STX6: variants seen among roughly 807,000 people sequenced by gnomAD.
STX6 encodes the protein syntaxin 6, also known as syntaxin-6.
STX6 carries 23 observed loss-of-function variants against 38.0 expected under a neutral mutation model. The observed-to-expected ratio is 0.60, with a 90% CI of 0.43 to 0.86. STX6 has a LOEUF of 0.86. STX6 is among the 40% of genes least tolerant of loss of function. The pLI, the probability that STX6 is intolerant of heterozygous loss-of-function variation, is 0.00. For synonymous variants in STX6, 123 were observed against 107.5 expected (o/e 1.14, Z -0.89); for missense variants, 274 against 312.9 (o/e 0.88, Z 0.94).
chr1:180,988,167 CT>C lies in STX6; in HGVS notation c.596+71del, dbSNP rs1305416158. On this transcript the variant is annotated intron_variant, in intron 6 of 7. Coordinates refer to ENST00000258301, the MANE Select transcript of STX6 (RefSeq NM_005819.6). ...TTTTACCAGCCACGTAGCTGCCAGG[CT>C]TTTTAGGGGTGTCATAGGATGGCTC... The C allele has an allele frequency of 4.6e-6, 5 of 1,076,196 alleles. No individual in the cohort carries two copies. In the Admixed American group the frequency reaches 9.8e-5, roughly 21 times the overall value. The allele number at this position is 1,076,196 out of a possible 1,614,324, so 66.7% of individuals were successfully genotyped here.
At chr1:181,013,891 A>C (rs979709968) in intron 1 of STX6, among the ~76,000 whole-genome samples, 1 of 152,212 alleles carries the variant, frequency 6.6e-6, no homozygotes, top group Non-Finnish European at 1.5e-5. Context: ...GACTTGTTAC[A>C]TGTTAGCTCA....
chr1:181,007,432 G>A (rs1354465285), intron 1 of STX6, among the ~76,000 whole-genome samples: 1 of 152,178 alleles, frequency 6.6e-6, no homozygotes. Flanking sequence ...CACAGAGATG[G>A]AGGGCTGATT....
At position 180,972,873 on chromosome 1, in the gene STX6, AT is replaced by A; in HGVS notation, c.*3696del. The A allele has an allele frequency of 8.4e-6, 2 of 238,106 alleles. No homozygotes were observed. The highest frequency in any genetic ancestry group is 8.5e-6 in the Non-Finnish European group (1 of 118,196). 14.7% of individuals were successfully genotyped at this position (238,106 alleles called of 1,614,324 possible). On this transcript the variant is annotated 3_prime_UTR_variant, in exon 8 of 8. Transcript: ENST00000258301. ...AATTCTGGTTTGGTTTTATTTTTTA[AT>A]CAAAAAAAAAAAAAGGAGAGAAAGA...
At chr1:181,014,615 T>A (rs983170851) in intron 1 of STX6, among the ~76,000 whole-genome samples, 5 of 152,156 alleles carry the variant, frequency 3.3e-5, no homozygotes, top group Non-Finnish European at 7.4e-5. Flanking sequence ...AAAATTCAGG[T>A]TGAGTGAGCC....
intron 4 of STX6, among the ~76,000 whole-genome samples, chr1:180,992,180 A>G (rs1655774366): frequency 6.6e-6 from 1 of 152,100 alleles, no homozygotes; most frequent in Admixed American, 6.6e-5. Flanking sequence ...AGCCAGATGG[A>G]ATGGACCAGC....
At chr1:180,993,097 T>C (rs1485328193) in intron 4 of STX6, among the ~76,000 whole-genome samples, 2 of 152,138 alleles carry the variant, frequency 1.3e-5, no homozygotes, top group Admixed American at 6.5e-5. Flanking sequence ...AAGTACTCTG[T>C]GATAAGTGCT....
chr1:181,009,680 C>T (rs1389111511), intron 1 of STX6, among the ~76,000 whole-genome samples: 3 of 152,180 alleles, frequency 2.0e-5, no homozygotes, highest in African/African-American at 7.2e-5. Flanking sequence ...CTGGAATTCT[C>T]ATACCTTACT....
intron 1 of STX6, among the ~76,000 whole-genome samples, chr1:181,016,920 C>T (rs1001736569): frequency 6.6e-6 from 1 of 151,254 alleles, no homozygotes; most frequent in African/African-American, 2.4e-5. Context: ...AACCCTGTCT[C>T]TACTAAAAAT....
intron 6 of STX6, among the ~76,000 whole-genome samples, chr1:180,986,656 A>C (rs1205829084): frequency 6.6e-6 from 1 of 152,020 alleles, no homozygotes; most frequent in African/African-American, 2.4e-5. Context: ...CAATCCTCCC[A>C]CCTCAGCCTC....
At chr1:180,999,718 A>G (rs941664000) in intron 3 of STX6, among the ~76,000 whole-genome samples, 6 of 152,098 alleles carry the variant, frequency 3.9e-5, no homozygotes, top group Admixed American at 3.3e-4. Context: ...TACAAAAGAG[A>G]AAGCATAAGT....
intron 2 of STX6, among the ~76,000 whole-genome samples, chr1:181,004,490 T>C (rs1179531304): frequency 6.6e-6 from 1 of 152,296 alleles, no homozygotes; most frequent in East Asian, 1.9e-4. Flanking sequence ...TGATCAATCA[T>C]GCCTGCGAAA....
At chr1:181,005,842 C>T (rs1039442851) in intron 1 of STX6, among the ~76,000 whole-genome samples, 3 of 152,148 alleles carry the variant, frequency 2.0e-5, no homozygotes, top group Admixed American at 2.0e-4. Flanking sequence ...ATAATTTATA[C>T]TCAGATGATA....
intron 3 of STX6, among the ~76,000 whole-genome samples, chr1:180,999,861 T>C (rs755799930): frequency 2.6e-5 from 4 of 152,232 alleles, no homozygotes; most frequent in Non-Finnish European, 5.9e-5. Flanking sequence ...TTTCATCTCA[T>C]TTTCCAAATC....
At chr1:181,022,501 C>T in intron 1 of STX6, 138 bp downstream of exon 1, 1 of 860,774 alleles carries the variant, frequency 1.2e-6, no homozygotes, top group Non-Finnish European at 1.8e-6. Flanking sequence ...TCATGGCCCT[C>T]AAGACTAAGC....
At chr1:180,977,201 G>A (rs1240328184) in intron 7 of STX6, among the ~76,000 whole-genome samples, 2 of 152,196 alleles carry the variant, frequency 1.3e-5, no homozygotes, top group Non-Finnish European at 2.9e-5. Context: ...ACTAGTAACT[G>A]TGTTAAAGTA....
At chr1:180,994,897 T>C (rs1195295734) in intron 3 of STX6, among the ~76,000 whole-genome samples, 1 of 152,078 alleles carries the variant, frequency 6.6e-6, no homozygotes, top group Non-Finnish European at 1.5e-5. Context: ...ACGCATTATA[T>C]ACATGTATCA....
intron 1 of STX6, among the ~76,000 whole-genome samples, chr1:181,010,451 G>A (rs917402584): frequency 1.3e-5 from 2 of 151,698 alleles, no homozygotes; most frequent in African/African-American, 2.4e-5. Context: ...ATGGGTATGC[G>A]CCACCACACT....
At chr1:180,989,429 G>A (rs1655683869) in intron 5 of STX6, 2 of 151,016 alleles carry the variant, frequency 1.3e-5, no homozygotes, top group African/African-American at 4.9e-5. Flanking sequence ...TCGGGAGGCG[G>A]AGGTTGCCGT....
At chr1:181,004,479 GTGATCAATCATGCC>G (rs1656168914) in intron 2 of STX6, among the ~76,000 whole-genome samples, 1 of 152,196 alleles carries the variant, frequency 6.6e-6, no homozygotes. Flanking sequence ...GCCAACTGAT[GTGATCAATCATGCC>G]TGCGAAATGA....
Sources: allele counts gnomAD v4.1 joint callset (sites outside exome capture counted in the v4.1 genomes callset), GRCh38; gene constraint gnomAD v4.1.1; transcripts MANE v1.5; gene names NCBI Gene and HGNC (gene_info 2026-07-23, HGNC 2026-07-21).